BCAR1: variants seen among roughly 807,000 people sequenced by gnomAD.
BCAR1 encodes the protein BCAR1 scaffold protein, Cas family member.
A neutral mutation model predicts 67.6 loss-of-function variants in BCAR1; 30 were observed. That is an observed-to-expected ratio of 0.44 (90% CI 0.33 to 0.60). The LOEUF (loss-of-function observed/expected upper bound fraction) is 0.60. Among genes scored for constraint, BCAR1 ranks in the 20% least tolerant of loss-of-function variants. The pLI, the probability that BCAR1 is intolerant of heterozygous loss-of-function variation, is 0.02. For synonymous variants in BCAR1, 626 were observed against 556.7 expected (o/e 1.12, Z -1.75); for missense variants, 1,313 against 1,222.3 (o/e 1.07, Z -1.11).
chr16:75,233,809 G>A (rs750047081), intron 6 of BCAR1, 37 bp downstream of exon 6: 51 of 1,557,842 alleles, frequency 3.3e-5, no homozygotes, highest in African/African-American at 1.2e-4. Flanking sequence ...GGGGGTCAGC[G>A]GGCAAAGCTG....
At position 75,234,060 on chromosome 16, in the gene BCAR1, C is replaced by CGCACACGTGGACGCACACACACACTA. The variant is rs1339554287; in HGVS notation, c.2011-151_2011-126dup. On this transcript the variant is annotated intron_variant, in intron 5 of 6. Coordinates refer to ENST00000162330, the MANE Select transcript of BCAR1 (RefSeq NM_014567.5). The stretch of plus-strand genomic sequence containing the variant: ...GGTGCTGCGTGTGCGCGCACACACA[C>CGCACACGTGGACGCACACACACACTA]GCACACGTGGACGCACACACACACT... The CGCACACGTGGACGCACACACACACTA allele has an allele frequency of 3.7e-6, 3 of 815,350 alleles. No homozygotes were observed. In the African/African-American group the frequency reaches 5.1e-5, roughly 14 times the overall value. 50.5% of individuals were successfully genotyped at this position (815,350 alleles called of 1,614,324 possible).
chr16:75,244,019 C>T (rs562878143), intron 1 of BCAR1, among the ~76,000 whole-genome samples: 4 of 152,334 alleles, frequency 2.6e-5, no homozygotes, highest in Admixed American at 2.0e-4. Flanking sequence ...AGGGCTGCGG[C>T]CCCTCCTAGG....
upstream of BCAR1, chr16:75,252,528 G>A (rs1278159779): frequency 4.1e-6 from 4 of 975,852 alleles, no homozygotes; most frequent in Non-Finnish European, 5.7e-6. Flanking sequence ...CAGAACCAGG[G>A]TGCCAGAGCC....
In BCAR1 at chr16:75,258,657, C is replaced by T. The variant is rs117973372; in HGVS notation, c.66+9258G>A. Among the ~76,000 whole-genome samples, 613 of 152,276 alleles carry T rather than the reference C, an allele frequency of 4.0e-3. 3 individuals are homozygous for T. Among genetic ancestry groups the T allele is most frequent in the Non-Finnish European group, 7.1e-3 (483 of 68,026 alleles). On this transcript the variant is annotated intron_variant, in intron 1 of 6. Coordinates refer to the BCAR1 transcript ENST00000393422. ...TTTGAGCAGATGTGTGAATCTTTTGCTAAGACTCATTATGCAGAAAAAAAT... is the reference window on the plus strand; with the variant it reads ...TTTGAGCAGATGTGTGAATCTTTTGTTAAGACTCATTATGCAGAAAAAAAT...
chr16:75,237,142 T>G, intron 3 of BCAR1, 41 bp downstream of exon 3: 1 of 1,492,878 alleles, frequency 6.7e-7, no homozygotes, highest in South Asian at 1.4e-5. Context: ...AGGCACAGAC[T>G]TGCCGCCCTG....
chr16:75,239,682 G>A (rs1006460089), intron 2 of BCAR1, among the ~76,000 whole-genome samples: 3 of 152,154 alleles, frequency 2.0e-5, no homozygotes, highest in Admixed American at 6.5e-5. Context: ...CCACAGGAGC[G>A]CTGCGACCAC....
chr16:75,264,527 G>T (rs2077965035), intron 1 of BCAR1: 2 of 1,407,800 alleles, frequency 1.4e-6, no homozygotes, highest in Non-Finnish European at 1.9e-6. Flanking sequence ...TTCTGAAGAC[G>T]AGACGATTAT....
chr16:75,235,357 G>A lies in BCAR1; in HGVS notation c.1542C>T (p.Ala514=), dbSNP rs61738400. The change falls in exon 5 of 7, where the codon GCC becomes GCT. Residue 514 remains alanine, a synonymous_variant. Coordinates refer to ENST00000162330, the MANE Select transcript of BCAR1 (RefSeq NM_014567.5). Reference sequence around the variant, plus strand: ...GGGCAAACTCCAACAGCTCGTGGACGGCACTCTGGACAGCGGCCACAGCAG... The same window carrying A: ...GGGCAAACTCCAACAGCTCGTGGACAGCACTCTGGACAGCGGCCACAGCAG... ...LQAAVAAVQS[A]VHELLEFARS... is the part of the protein sequence containing the mutation. The A allele has an allele frequency of 1.2e-3, 1,999 of 1,601,898 alleles. 17 individuals carry two copies. In the African/African-American group the frequency reaches 0.024, roughly 19 times the overall value.
chr16:75,234,356 A>G (rs575523035), intron 5 of BCAR1, among the ~76,000 whole-genome samples: 1 of 152,260 alleles, frequency 6.6e-6, no homozygotes, highest in South Asian at 2.1e-4. Context: ...GTACCCGCAG[A>G]AAGTCCGCAA....
At chr16:75,248,383 T>A in intron 1 of BCAR1, 1 of 1,229,260 alleles carries the variant, frequency 8.1e-7, no homozygotes, top group Non-Finnish European at 1.0e-6. Flanking sequence ...TTCTGGGGCA[T>A]TCTATTTGCT....
intron 2 of BCAR1, 53 bp downstream of exon 2, chr16:75,242,417 C>G: frequency 7.4e-7 from 1 of 1,345,560 alleles, no homozygotes; most frequent in Non-Finnish European, 9.6e-7. Flanking sequence ...GCCCACAAAC[C>G]AGGGCCTGGG....
At chr16:75,264,731 C>T in intron 1 of BCAR1, 1 of 1,085,910 alleles carries the variant, frequency 9.2e-7, no homozygotes, top group Non-Finnish European at 1.2e-6. Flanking sequence ...ATGAAGAGGC[C>T]ACTTGCCAGA....
Position 75,229,423 on chromosome 16 carries a change from A to G in BCAR1, c.*88T>C. ...ACGCAGAGCTGGGGTCCTGTCCCTA[A>G]GCCTGTGGCACAGCGACTCTTGACA... On this transcript the variant is annotated 3_prime_UTR_variant, in exon 7 of 7. Transcript: ENST00000162330. The G allele has an allele frequency of 1.4e-6, 2 of 1,438,516 alleles. No individual in the cohort carries two copies. The highest frequency in any genetic ancestry group is 1.5e-5 in the South Asian group (1 of 68,520). 89.1% of individuals were successfully genotyped at this position (1,438,516 alleles called of 1,614,324 possible). A position where few individuals can be genotyped will look rare whatever the true frequency, so the allele number is the denominator to read the frequency against.
chr16:75,250,402 G>A (rs574113875), intron 1 of BCAR1, among the ~76,000 whole-genome samples: 1 of 152,356 alleles, frequency 6.6e-6, no homozygotes, highest in South Asian at 2.1e-4. Context: ...ACAAGAGGGG[G>A]CGTGTCCCGG....
At chr16:75,244,870 G>A (rs2077466748) in intron 1 of BCAR1, among the ~76,000 whole-genome samples, 1 of 152,250 alleles carries the variant, frequency 6.6e-6, no homozygotes, top group South Asian at 2.1e-4. Flanking sequence ...CACATCTCAA[G>A]AAAATGTCCT....
At chr16:75,246,326 A>G (rs1160248739) in intron 1 of BCAR1, 1 of 152,282 alleles carries the variant, frequency 6.6e-6, no homozygotes, top group Non-Finnish European at 1.5e-5. Flanking sequence ...TGGGCTCCGC[A>G]GAGATAGCGC....
At chr16:75,248,204 T>G (rs1203134379) in intron 1 of BCAR1, 1 of 1,556,678 alleles carries the variant, frequency 6.4e-7, no homozygotes, top group Non-Finnish European at 8.6e-7. Context: ...GACGCCTGGG[T>G]TCGTGGAAAC....
chr16:75,235,996 A>C lies in BCAR1; in HGVS notation c.913-10T>G. 1 of 1,562,642 alleles carries C rather than the reference A, an allele frequency of 6.4e-7. No homozygotes were observed. Among genetic ancestry groups the C allele is most frequent in the East Asian group, 2.4e-5 (1 of 42,496 alleles). On this transcript the variant is annotated splice_polypyrimidine_tract_variant and intron_variant, in intron 4 of 6. Transcript: ENST00000162330. ...GAGGAACGTCGTAGACCTGGGGGAC[A>C]AGCGGTGGTCAAGACTGTCCATCTG... is the stretch of plus-strand genomic sequence containing the variant.
intron 1 of BCAR1, among the ~76,000 whole-genome samples, chr16:75,251,201 G>A (rs2151461918): frequency 6.6e-6 from 1 of 152,082 alleles, no homozygotes; most frequent in Admixed American, 6.5e-5. Flanking sequence ...GGCCCCGCCA[G>A]CCACTTTCCC....
Sources: gnomAD v4.1 joint callset for allele counts (sites outside exome capture counted in the v4.1 genomes callset) on GRCh38, gnomAD v4.1.1 for gene constraint, MANE v1.5 for transcripts, NCBI Gene and HGNC (gene_info 2026-07-23, HGNC 2026-07-21) for gene names.